Variants in BRINP3 observed in about 807,000 individuals in gnomAD.
BRINP3 encodes BMP/retinoic acid-inducible neural-specific protein 3.
BRINP3 carries 19 observed loss-of-function variants against 71.0 expected under a neutral mutation model. The observed-to-expected ratio is 0.27, with a 90% CI of 0.19 to 0.39. The LOEUF is 0.39. Ranked by LOEUF, BRINP3 falls within the 10% of genes least tolerant of loss-of-function variation. The probability of loss-of-function intolerance (pLI) is 1.00; values close to 1 mark genes in which losing one functional copy is unlikely to be tolerated. For synonymous variants in BRINP3, 380 were observed against 337.7 expected (o/e 1.13, Z -1.37); for missense variants, 959 against 940.8 (o/e 1.02, Z -0.25).
intron 7 of BRINP3, among the ~76,000 whole-genome samples, chr1:190,119,033 T>C (rs1653392615): frequency 6.6e-6 from 1 of 152,084 alleles, no homozygotes; most frequent in Non-Finnish European, 1.5e-5. Flanking sequence ...ATATAAACTT[T>C]TAAAGTCTGT....
chr1:190,278,209 A>G (rs1662761206), intron 3 of BRINP3, among the ~76,000 whole-genome samples: 2 of 151,670 alleles, frequency 1.3e-5, no homozygotes, highest in Non-Finnish European at 3.0e-5. Flanking sequence ...ATTTTTTTGA[A>G]GATTTAGGTA....
At chr1:190,131,795 T>A (rs1654566395) in intron 7 of BRINP3, among the ~76,000 whole-genome samples, 1 of 152,114 alleles carries the variant, frequency 6.6e-6, no homozygotes, top group African/African-American at 2.4e-5. Context: ...CTCCATCTTT[T>A]TCTTTGAATT....
intron 6 of BRINP3, among the ~76,000 whole-genome samples, chr1:190,201,145 T>A (rs767395591): frequency 2.0e-5 from 3 of 152,110 alleles, no homozygotes; most frequent in Non-Finnish European, 4.4e-5. Context: ...TTGACAAAAA[T>A]GCTGATAGTG....
chr1:190,317,049 A>C (rs1571728910), intron 2 of BRINP3, among the ~76,000 whole-genome samples: 1 of 151,400 alleles, frequency 6.6e-6, no homozygotes, highest in East Asian at 2.0e-4. Flanking sequence ...GTGGGTGCCT[A>C]TAATCCCAGC....
In BRINP3 at chr1:190,124,261, C is replaced by T. The variant is rs147219873; in HGVS notation, c.1185-25127G>A. Among the ~76,000 whole-genome samples, 370 of 152,226 alleles carry T rather than the reference C, an allele frequency of 2.4e-3. 2 individuals are homozygous for T. Among genetic ancestry groups the T allele is most frequent in the African/African-American group, 8.5e-3 (352 of 41,548 alleles). On this transcript the variant is annotated intron_variant, in intron 7 of 7. Coordinates refer to ENST00000367462, the MANE Select transcript of BRINP3 (RefSeq NM_199051.3). ...CTTGCTTTCTGTGAGTGCTCTCTCACCCTCTTCTGTTCTGCTATGGAATGA... is the reference window on the plus strand; with the variant it reads ...CTTGCTTTCTGTGAGTGCTCTCTCATCCTCTTCTGTTCTGCTATGGAATGA...
At chr1:190,423,461 A>C (rs1356693975) in intron 2 of BRINP3, among the ~76,000 whole-genome samples, 1 of 151,848 alleles carries the variant, frequency 6.6e-6, no homozygotes, top group Non-Finnish European at 1.5e-5. Flanking sequence ...AAATATTTAA[A>C]TATGTTCACA....
At chr1:190,476,484 T>C (rs12095861) in intron 1 of BRINP3, among the ~76,000 whole-genome samples, 274 of 152,148 alleles carry the variant, frequency 1.8e-3, no homozygotes, top group African/African-American at 6.4e-3. Context: ...AAAGTAAAGA[T>C]TAAAATGTTT....
chr1:190,428,435 A>C (rs954925451), intron 2 of BRINP3, among the ~76,000 whole-genome samples: 7 of 151,700 alleles, frequency 4.6e-5, no homozygotes, highest in African/African-American at 1.5e-4. Context: ...ATCCCCCCCC[A>C]AAAAAACTCG....
At chr1:190,119,839 G>A (rs960731440) in intron 7 of BRINP3, among the ~76,000 whole-genome samples, 1 of 152,180 alleles carries the variant, frequency 6.6e-6, no homozygotes, top group African/African-American at 2.4e-5. Context: ...CTAACATGGA[G>A]AACTGTTGTG....
At chr1:190,275,191 GT>G (rs745553415) in intron 3 of BRINP3, among the ~76,000 whole-genome samples, 51 of 151,548 alleles carry the variant, frequency 3.4e-4, no homozygotes, top group South Asian at 4.1e-4. Flanking sequence ...TCTACCCTGA[GT>G]GAAATACAAT....
chr1:190,107,379 T>A, intron 7 of BRINP3, among the ~76,000 whole-genome samples: 1 of 152,072 alleles, frequency 6.6e-6, no homozygotes, highest in East Asian at 1.9e-4. Context: ...TTCAACTACG[T>A]GGAATTTTCT....
At chr1:190,344,387 T>C (rs536106819) in intron 2 of BRINP3, among the ~76,000 whole-genome samples, 6 of 151,994 alleles carry the variant, frequency 3.9e-5, no homozygotes, top group Non-Finnish European at 5.9e-5. Context: ...CTAGGCAGTT[T>C]GACGCTACAG....
At chr1:190,429,190 T>C (rs1366534024) in intron 2 of BRINP3, among the ~76,000 whole-genome samples, 1 of 152,212 alleles carries the variant, frequency 6.6e-6, no homozygotes, top group Non-Finnish European at 1.5e-5. Context: ...AGAATGCATA[T>C]AATTTTTTGT....
chr1:190,358,911 AC>A (rs952514652), intron 2 of BRINP3, among the ~76,000 whole-genome samples: 9 of 152,152 alleles, frequency 5.9e-5, no homozygotes, highest in Non-Finnish European at 1.3e-4. Context: ...TATCACAGGG[AC>A]AAAAAACCAA....
rs141647542 is a variant in BRINP3, at chr1:190,213,895, C to T, written c.961+12187G>A. Among the ~76,000 whole-genome samples, 57 of 152,080 alleles carry T rather than the reference C, an allele frequency of 3.7e-4. No individual in the cohort carries two copies. In the East Asian group the frequency reaches 9.9e-3, roughly 26 times the overall value. ...TCAGTTAATTTTTACATGAGTTATA[C>T]TGCTAAAAATAATGAAGTTTAAAAT... On this transcript the variant is annotated intron_variant, in intron 6 of 7. Coordinates refer to ENST00000367462, the MANE Select transcript of BRINP3 (RefSeq NM_199051.3).
At chr1:190,403,500 T>C (rs1672069372) in intron 2 of BRINP3, among the ~76,000 whole-genome samples, 1 of 152,156 alleles carries the variant, frequency 6.6e-6, no homozygotes, top group East Asian at 1.9e-4. Context: ...AAAATAGCAT[T>C]ATCTTAGATA....
chr1:190,431,071 C>T (rs1006729581), intron 2 of BRINP3, among the ~76,000 whole-genome samples: 3 of 151,886 alleles, frequency 2.0e-5, no homozygotes, highest in Non-Finnish European at 2.9e-5. Context: ...TGACATACTA[C>T]GTATTAGCTC....
intron 2 of BRINP3, among the ~76,000 whole-genome samples, chr1:190,378,065 C>A (rs1418827367): frequency 6.6e-6 from 1 of 152,032 alleles, no homozygotes; most frequent in Non-Finnish European, 1.5e-5. Flanking sequence ...AATACTGAAG[C>A]AATCTTAAAA....
At chr1:190,315,195 C>T (rs1352674086) in intron 2 of BRINP3, among the ~76,000 whole-genome samples, 1 of 151,946 alleles carries the variant, frequency 6.6e-6, no homozygotes, top group Non-Finnish European at 1.5e-5. Flanking sequence ...ATAAAGGAAG[C>T]ACAGATATAC....
Sources: gnomAD v4.1 joint callset for allele counts (sites outside exome capture counted in the v4.1 genomes callset) on GRCh38, gnomAD v4.1.1 for gene constraint, MANE v1.5 for transcripts, NCBI Gene and HGNC (gene_info 2026-07-23, HGNC 2026-07-21) for gene names.